ADGRL2: variants seen among roughly 807,000 people sequenced by gnomAD.
ADGRL2 encodes adhesion G protein-coupled receptor L2.
In ADGRL2, 44 loss-of-function variants were observed where a neutral mutation model predicts 157.4. The observed-to-expected ratio is 0.28, with a 90% confidence interval of 0.22 to 0.36. The LOEUF is 0.36. ADGRL2 is among the 10% of genes least tolerant of loss of function. ADGRL2 has a pLI of 1.00. For missense variants in ADGRL2, 1,510 were observed against 1,768.9 expected (o/e 0.85, Z 2.63); for synonymous variants, 585 against 624.7 (o/e 0.94, Z 0.95).
intron 1 of ADGRL2, among the ~76,000 whole-genome samples, chr1:81,439,947 G>C (rs61226808): frequency 0.024 from 3,646 of 152,300 alleles, 73 homozygotes; most frequent in African/African-American, 0.043. Flanking sequence ...GCTCTAAAAG[G>C]CTGTCTGTTC....
intron 2 of ADGRL2, among the ~76,000 whole-genome samples, chr1:81,790,621 T>C (rs927943122): frequency 6.6e-6 from 1 of 152,234 alleles, no homozygotes; most frequent in Non-Finnish European, 1.5e-5. Context: ...GACAATATAC[T>C]GAACTAAATA....
At position 81,836,906 on chromosome 1, in the gene ADGRL2, A is replaced by G. The variant is rs772834582; in HGVS notation, c.-79A>G. 31 of 785,126 alleles carry G rather than the reference A, an allele frequency of 3.9e-5. No homozygotes were observed. Among genetic ancestry groups the G allele is most frequent in the Non-Finnish European group, 6.2e-5 (29 of 471,108 alleles). The allele number at this position is 785,126 out of a possible 1,614,324, so 48.6% of individuals were successfully genotyped here. The stretch of plus-strand genomic sequence containing the variant: ...TCAGATATGAAGATCAATGATGCAG[A>G]CTGATGGTTTTGATGAAGCTGGGCA... On this transcript the variant is annotated 5_prime_UTR_variant, in exon 2 of 24. Coordinates refer to ENST00000686636, the MANE Select transcript of ADGRL2 (RefSeq NM_001366006.2).
intron 3 of ADGRL2, among the ~76,000 whole-genome samples, chr1:81,661,686 C>T (rs1446607226): frequency 6.6e-6 from 1 of 152,188 alleles, no homozygotes; most frequent in Non-Finnish European, 1.5e-5. Flanking sequence ...TTATACATCT[C>T]AGTTTGCCGT....
chr1:81,800,193 T>A (rs1013791591), upstream of ADGRL2, among the ~76,000 whole-genome samples: 5 of 152,172 alleles, frequency 3.3e-5, no homozygotes, highest in Non-Finnish European at 5.9e-5. Flanking sequence ...CCTGGTGAGT[T>A]TAATCAAAAA....
intron 3 of ADGRL2, among the ~76,000 whole-genome samples, chr1:81,650,248 T>A (rs1450253248): frequency 1.3e-5 from 2 of 151,962 alleles, no homozygotes; most frequent in African/African-American, 4.8e-5. Context: ...AGAAGGAACA[T>A]GGCAGGTGAA....
upstream of ADGRL2, among the ~76,000 whole-genome samples, chr1:81,699,434 TC>T (rs1372077242): frequency 6.6e-6 from 1 of 152,176 alleles, no homozygotes; most frequent in East Asian, 1.9e-4. Flanking sequence ...TCGATACTGT[TC>T]CCACACCTCA....
chr1:81,950,610 T>A, intron 7 of ADGRL2, 128 bp downstream of exon 7: 1 of 872,578 alleles, frequency 1.1e-6, no homozygotes, highest in Non-Finnish European at 1.8e-6. Context: ...ACTTTGGTAA[T>A]ATAACATCTA....
chr1:81,785,482 C>T (rs142156533), intron 2 of ADGRL2, among the ~76,000 whole-genome samples: 168 of 152,158 alleles, frequency 1.1e-3, no homozygotes, highest in African/African-American at 3.9e-3. Context: ...AGTCCCAGCA[C>T]TTTGCGAGGC....
chr1:81,747,247 ATG>A (rs1244906899), intron 1 of ADGRL2, among the ~76,000 whole-genome samples: 2 of 147,924 alleles, frequency 1.4e-5, no homozygotes, highest in African/African-American at 4.9e-5. Flanking sequence ...ATATATGTAT[ATG>A]TGTGTATATA....
chr1:81,925,186 GT>G (rs1209705600), intron 3 of ADGRL2, among the ~76,000 whole-genome samples: 1 of 152,054 alleles, frequency 6.6e-6, no homozygotes, highest in Non-Finnish European at 1.5e-5. Context: ...GTAGCACTTT[GT>G]TTTTAGAATA....
intron 1 of ADGRL2, among the ~76,000 whole-genome samples, chr1:81,324,237 C>T (rs1469976239): frequency 6.6e-6 from 1 of 152,020 alleles, no homozygotes; most frequent in African/African-American, 2.4e-5. Context: ...GACACAGTAG[C>T]TCACACCTGC....
chr1:81,387,400 G>A (rs2076457042), intron 1 of ADGRL2, among the ~76,000 whole-genome samples: 1 of 152,024 alleles, frequency 6.6e-6, no homozygotes, highest in South Asian at 2.1e-4. Flanking sequence ...TATAAATGCT[G>A]AATTGCCCAA....
chr1:81,565,912 T>C (rs969078514), intron 2 of ADGRL2, among the ~76,000 whole-genome samples: 10 of 152,148 alleles, frequency 6.6e-5, no homozygotes, highest in African/African-American at 1.9e-4. Context: ...TTGTGTGCAC[T>C]GAAGTACCTT....
At chr1:81,983,479 A>G (rs1022233141) in intron 19 of ADGRL2, among the ~76,000 whole-genome samples, 1 of 152,068 alleles carries the variant, frequency 6.6e-6, no homozygotes, top group African/African-American at 2.4e-5. Context: ...TTAAAAGGCC[A>G]TCTACTGATT....
intron 1 of ADGRL2, among the ~76,000 whole-genome samples, chr1:81,430,464 G>A (rs2077299745): frequency 6.6e-6 from 1 of 152,122 alleles, no homozygotes; most frequent in African/African-American, 2.4e-5. Context: ...TTGACCTGGT[G>A]CTAAGGCAAT....
At chr1:81,479,631 A>T (rs1346361664) in intron 2 of ADGRL2, among the ~76,000 whole-genome samples, 1 of 152,172 alleles carries the variant, frequency 6.6e-6, no homozygotes, top group Non-Finnish European at 1.5e-5. Flanking sequence ...AGAGACAGGG[A>T]AAACAACCTC....
chr1:81,421,699 C>A (rs201617720), intron 1 of ADGRL2, among the ~76,000 whole-genome samples: 1 of 148,094 alleles, frequency 6.8e-6, no homozygotes, highest in Non-Finnish European at 1.5e-5. Flanking sequence ...ACTAAATATT[C>A]TTTTTTTTTT....
At chr1:81,514,636 AT>A (rs374384023) in intron 2 of ADGRL2, 315 of 152,366 alleles carry the variant, frequency 2.1e-3, no homozygotes, top group African/African-American at 7.2e-3. Flanking sequence ...GTACAGTTGT[AT>A]CAAAATCTTG....
chr1:81,539,731 T>C (rs2079837013), intron 2 of ADGRL2, among the ~76,000 whole-genome samples: 1 of 151,992 alleles, frequency 6.6e-6, no homozygotes, highest in South Asian at 2.1e-4. Flanking sequence ...TCTCAATTTC[T>C]ACGATTTCCA....
Sources: gnomAD v4.1 joint callset for allele counts (sites outside exome capture counted in the v4.1 genomes callset) on GRCh38, gnomAD v4.1.1 for gene constraint, MANE v1.5 for transcripts, NCBI Gene and HGNC (gene_info 2026-07-23, HGNC 2026-07-21) for gene names.